Variants in LRMDA observed in about 807,000 individuals in gnomAD.
The protein encoded by LRMDA is leucine-rich melanocyte differentiation-associated protein.
In LRMDA, 18 loss-of-function variants were observed where a neutral mutation model predicts 29.8. The observed-to-expected ratio is 0.60, with a 90% CI of 0.42 to 0.90. The LOEUF (loss-of-function observed/expected upper bound fraction) is 0.90. Among genes scored for constraint, LRMDA ranks in the 40% least tolerant of loss-of-function variants. LRMDA has a pLI of 0.00. For synonymous variants in LRMDA, 125 were observed against 109.4 expected (o/e 1.14, Z -0.89); for missense variants, 273 against 273.9 (o/e 1.00, Z 0.02).
intron 2 of LRMDA, among the ~76,000 whole-genome samples, chr10:75,916,532 G>A (rs899696252): frequency 2.0e-5 from 3 of 152,156 alleles, no homozygotes. Context: ...AAGGCCACAG[G>A]GGACTTAGAA....
At chr10:75,984,824 A>G (rs530981649) in intron 2 of LRMDA, among the ~76,000 whole-genome samples, 13 of 152,338 alleles carry the variant, frequency 8.5e-5, no homozygotes, top group African/African-American at 2.6e-4. Context: ...AAGTGGGCTC[A>G]AGAACGTAAG....
Position 76,048,429 on chromosome 10 carries a change from CT to C in LRMDA, c.398+1133del, listed in dbSNP as rs1406562595. On this transcript the variant is annotated intron_variant, in intron 4 of 6. Coordinates refer to ENST00000611255, the MANE Select transcript of LRMDA (RefSeq NM_001305581.2). The stretch of plus-strand genomic sequence containing the variant: ...GAGCTAAGAAAAATTTTTTTCTATT[CT>C]TTTTTTGGTGTATCATCAGCTCTCA... Among the ~76,000 whole-genome samples, 4 of 152,020 alleles carry C rather than the reference CT, an allele frequency of 2.6e-5. No individual in the cohort carries two copies. The East Asian group carries it at 5.8e-4, about 22-fold the overall frequency.
chr10:75,756,527 C>T (rs541624537), intron 2 of LRMDA, among the ~76,000 whole-genome samples: 31 of 152,268 alleles, frequency 2.0e-4, no homozygotes, highest in South Asian at 1.0e-3. Flanking sequence ...TGACTTGCTC[C>T]GACCATTGAT....
intron 5 of LRMDA, among the ~76,000 whole-genome samples, chr10:76,259,767 T>C (rs1188236091): frequency 1.3e-5 from 2 of 152,142 alleles, no homozygotes; most frequent in African/African-American, 4.8e-5. Context: ...TGGTGTTGGG[T>C]GCATATATAT....
intron 2 of LRMDA, among the ~76,000 whole-genome samples, chr10:75,931,120 A>G (rs1564610289): frequency 6.6e-6 from 1 of 152,194 alleles, no homozygotes; most frequent in Non-Finnish European, 1.5e-5. Context: ...GGGAGCTAAA[A>G]CTGCTTTTTA....
intron 2 of LRMDA, among the ~76,000 whole-genome samples, chr10:75,557,043 G>A (rs1049939677): frequency 5.3e-5 from 8 of 152,102 alleles, no homozygotes; most frequent in Non-Finnish European, 1.2e-4. Flanking sequence ...GCCAGGCATG[G>A]TGGCTCACAC....
At chr10:76,259,772 A>G (rs1839910082) in intron 5 of LRMDA, among the ~76,000 whole-genome samples, 3 of 152,078 alleles carry the variant, frequency 2.0e-5, no homozygotes, top group Admixed American at 6.5e-5. Flanking sequence ...TTGGGTGCAT[A>G]TATATTTACA....
At chr10:76,261,351 C>T (rs999387289) in intron 5 of LRMDA, among the ~76,000 whole-genome samples, 2 of 152,044 alleles carry the variant, frequency 1.3e-5, no homozygotes, top group Non-Finnish European at 2.9e-5. Flanking sequence ...GGATTACAGG[C>T]GTGAGCTACT....
intron 2 of LRMDA, among the ~76,000 whole-genome samples, chr10:75,518,416 G>T (rs1353809692): frequency 1.3e-5 from 2 of 152,014 alleles, no homozygotes; most frequent in Non-Finnish European, 2.9e-5. Flanking sequence ...ACTTCTTCCT[G>T]GTTTAGTCTT....
chr10:75,445,785 A>G (rs1468756774), intron 2 of LRMDA, among the ~76,000 whole-genome samples: 2 of 152,264 alleles, frequency 1.3e-5, no homozygotes, highest in Non-Finnish European at 2.9e-5. Context: ...AAATATTCCC[A>G]TGTCAACCTG....
intron 2 of LRMDA, among the ~76,000 whole-genome samples, chr10:75,470,575 G>A (rs1844713947): frequency 6.6e-6 from 1 of 152,210 alleles, no homozygotes; most frequent in Admixed American, 6.5e-5. Context: ...GGGGTCTAGG[G>A]TATCCTTCTG....
intron 2 of LRMDA, among the ~76,000 whole-genome samples, chr10:75,645,411 A>G (rs1427190825): frequency 6.6e-6 from 1 of 152,186 alleles, no homozygotes; most frequent in Admixed American, 6.5e-5. Flanking sequence ...AAATGTCAGG[A>G]CAGAGATTTG....
At chr10:75,513,483 C>T (rs1014863936) in intron 2 of LRMDA, among the ~76,000 whole-genome samples, 1 of 152,160 alleles carries the variant, frequency 6.6e-6, no homozygotes. Flanking sequence ...GTGTTAGTTT[C>T]CTGTTGCTGC....
chr10:76,418,794 T>C (rs1227376557), intron 6 of LRMDA, among the ~76,000 whole-genome samples: 1 of 152,056 alleles, frequency 6.6e-6, no homozygotes, highest in Non-Finnish European at 1.5e-5. Context: ...TTGTTATGAG[T>C]TTTCAACATC....
At chr10:75,821,120 G>T (rs1051896389) in intron 2 of LRMDA, among the ~76,000 whole-genome samples, 2 of 152,102 alleles carry the variant, frequency 1.3e-5, no homozygotes, top group African/African-American at 2.4e-5. Context: ...TACTAAAACT[G>T]TTCCAAAAAT....
intron 2 of LRMDA, among the ~76,000 whole-genome samples, chr10:75,765,325 A>G (rs959407569): frequency 6.6e-6 from 1 of 152,000 alleles, no homozygotes; most frequent in African/African-American, 2.4e-5. Flanking sequence ...GAGTTAACTG[A>G]GGACACTAGT....
At chr10:75,675,867 G>T (rs1051937616) in intron 2 of LRMDA, among the ~76,000 whole-genome samples, 1 of 152,124 alleles carries the variant, frequency 6.6e-6, no homozygotes, top group African/African-American at 2.4e-5. Flanking sequence ...ATTCCGCAAG[G>T]TCCAGTGTTT....
intron 6 of LRMDA, among the ~76,000 whole-genome samples, chr10:76,483,413 T>A (rs373757164): frequency 5.3e-5 from 8 of 152,024 alleles, no homozygotes; most frequent in Admixed American, 2.6e-4. Flanking sequence ...CATAGGGGAT[T>A]TCACCCAAGA....
intron 2 of LRMDA, among the ~76,000 whole-genome samples, chr10:75,705,602 G>A (rs1172821567): frequency 2.0e-5 from 3 of 152,212 alleles, no homozygotes; most frequent in African/African-American, 7.2e-5. Context: ...AGGAGGGGCC[G>A]AATGATGGCA....
Sources: gnomAD v4.1 joint callset for allele counts (sites outside exome capture counted in the v4.1 genomes callset) on GRCh38, gnomAD v4.1.1 for gene constraint, MANE v1.5 for transcripts, NCBI Gene and HGNC (gene_info 2026-07-23, HGNC 2026-07-21) for gene names.